Variants in CD163L1 observed in about 807,000 individuals in gnomAD.
The protein encoded by CD163L1 is scavenger receptor cysteine-rich type 1 protein M160.
Under a neutral mutation model 165.4 loss-of-function variants are expected in CD163L1, and 124 were observed. The ratio of observed to expected loss-of-function variants is 0.75; its 90% CI spans 0.65 to 0.87. CD163L1 has a LOEUF of 0.87. Among genes scored for constraint, CD163L1 ranks in the 40% least tolerant of loss-of-function variants. The pLI is 0.00. For missense variants in CD163L1, 1,525 were observed against 1,799.9 expected (o/e 0.85, Z 2.76); for synonymous variants, 585 against 662.2 (o/e 0.88, Z 1.79).
intron 19 of CD163L1, among the ~76,000 whole-genome samples, chr12:7,355,784 C>T (rs1160335618): frequency 1.3e-5 from 2 of 152,018 alleles, no homozygotes; most frequent in Non-Finnish European, 2.9e-5. Flanking sequence ...CAACACAGAC[C>T]AAGGGATGAC....
At chr12:7,430,524 A>G (rs1276022775) in intron 4 of CD163L1, among the ~76,000 whole-genome samples, 1 of 152,196 alleles carries the variant, frequency 6.6e-6, no homozygotes, top group Non-Finnish European at 1.5e-5. Flanking sequence ...ACATGTATAG[A>G]TCACCTAAAA....
the CD163L1 span, chr12:7,324,298 C>T: frequency 1.0e-4 from 169 of 1,613,200 alleles, no homozygotes; most frequent in Middle Eastern, 6.8e-4. Flanking sequence ...ACTGCTGCCA[C>T]GATAAGAGGA....
intron 19 of CD163L1, 114 bp from the exon 20 acceptor site, chr12:7,355,244 A>T (rs1209929570): frequency 5.3e-5 from 8 of 152,084 alleles, no homozygotes; most frequent in Non-Finnish European, 8.8e-5. Flanking sequence ...CACACACACA[A>T]CCCACAAAGA....
At position 7,347,418 on chromosome 12, in the gene CD163L1, T is replaced by A. The variant is rs1946677155; in HGVS notation, c.*25-271A>T. 6.6e-6 allele frequency among the ~76,000 whole-genome samples: 1 copy of A among 152,176 alleles called. No homozygotes were observed. The highest frequency in any genetic ancestry group is 1.5e-5 in the Non-Finnish European group (1 of 68,014). On this transcript the variant is annotated intron_variant, in intron 4 of 4. Transcript: ENST00000539726. The surrounding 1 kb of genome is among the most constrained non-coding windows in gnomAD (Gnocchi z 4.2). The stretch of plus-strand genomic sequence containing the variant: ...AAGTTAGCCTAATAGTTTTCTTCAT[T>A]GACAATGGGTGGTTACTTTCCTTAT...
At chr12:7,421,453 G>A (rs1214274812) in intron 4 of CD163L1, among the ~76,000 whole-genome samples, 2 of 106,270 alleles carry the variant, frequency 1.9e-5, no homozygotes, top group East Asian at 2.8e-4. Context: ...ATACATATAT[G>A]TACATATATA....
chr12:7,421,487 A>G (rs1481113663), intron 4 of CD163L1, among the ~76,000 whole-genome samples: 1 of 107,052 alleles, frequency 9.3e-6, no homozygotes, highest in African/African-American at 5.1e-5. Context: ...ATATGTACAT[A>G]TATACATATA....
intron 18 of CD163L1, among the ~76,000 whole-genome samples, chr12:7,360,013 T>C (rs980768637): frequency 2.0e-5 from 3 of 152,198 alleles, no homozygotes; most frequent in African/African-American, 7.2e-5. Flanking sequence ...TGGTGTTTGC[T>C]AAGCTTCTTA....
chr12:7,386,275 T>C (rs776458851), intron 8 of CD163L1, among the ~76,000 whole-genome samples: 145 of 151,988 alleles, frequency 9.5e-4, no homozygotes, highest in African/African-American at 3.3e-3. Flanking sequence ...AAGGAAGAAA[T>C]AGGAATCCTG....
chr12:7,354,048 G>C (rs368159277), downstream of CD163L1, among the ~76,000 whole-genome samples: 30 of 152,076 alleles, frequency 2.0e-4, no homozygotes, highest in East Asian at 3.9e-3. Context: ...AGCTTTTCTT[G>C]GCATGGGACT....
chr12:7,421,474 CAT>C (rs1241384234), intron 4 of CD163L1, among the ~76,000 whole-genome samples: 1 of 97,862 alleles, frequency 1.0e-5, no homozygotes, highest in Non-Finnish European at 1.9e-5. Context: ...CATATATATA[CAT>C]ATATGTACAT....
At chr12:7,343,315 CATAATT>C (rs1946649299), downstream of CD163L1, among the ~76,000 whole-genome samples, 1 of 152,150 alleles carries the variant, frequency 6.6e-6, no homozygotes, top group Non-Finnish European at 1.5e-5. Context: ...TTCACTGTCT[CATAATT>C]ATAACAATTT....
chr12:7,419,500 T>C (rs1948307955), intron 4 of CD163L1, among the ~76,000 whole-genome samples: 1 of 150,964 alleles, frequency 6.6e-6, no homozygotes, highest in East Asian at 2.0e-4. Context: ...ACTGAAAGCC[T>C]TAGCCAGAGA....
chr12:7,421,534 T>G (rs1483246943), intron 4 of CD163L1, among the ~76,000 whole-genome samples: 1 of 132,318 alleles, frequency 7.6e-6, no homozygotes, highest in Non-Finnish European at 1.5e-5. Flanking sequence ...CATATATACA[T>G]ATACGTACAC....
chr12:7,327,651 T>C, the CD163L1 span, among the ~76,000 whole-genome samples: 1 of 152,210 alleles, frequency 6.6e-6, no homozygotes, highest in East Asian at 1.9e-4. Context: ...ACTGATCCTC[T>C]GCATGAGATT....
chr12:7,365,707 G>C (rs1293115612), intron 18 of CD163L1, among the ~76,000 whole-genome samples: 1 of 152,004 alleles, frequency 6.6e-6, no homozygotes, highest in Admixed American at 6.6e-5. Flanking sequence ...AAAAGAAAAT[G>C]AGATATCATC....
In CD163L1 at chr12:7,400,855, T is replaced by C. The variant is rs1947903502; in HGVS notation, c.1409-2271A>G. On this transcript the variant is annotated intron_variant, in intron 6 of 19. Transcript: ENST00000313599. The surrounding 1 kb of genome is among the most constrained non-coding windows in gnomAD (Gnocchi z 4.1). ...TACAGTAGTTAAAATGTGATGGTTCTAGAAATAGAAGAGGGGGATTATGTA... is the reference window on the plus strand; with the variant it reads ...TACAGTAGTTAAAATGTGATGGTTCCAGAAATAGAAGAGGGGGATTATGTA... 6.6e-6 allele frequency among the ~76,000 whole-genome samples: 1 copy of C among 152,180 alleles called. No homozygotes were observed. Among genetic ancestry groups the C allele is most frequent in the South Asian group, 2.1e-4 (1 of 4,826 alleles).
chr12:7,394,424 C>T (rs1175472064), intron 8 of CD163L1, among the ~76,000 whole-genome samples: 3 of 152,164 alleles, frequency 2.0e-5, no homozygotes, highest in African/African-American at 7.2e-5. Context: ...CTTCCTTACA[C>T]CTTACACAAA....
intron 2 of CD163L1, among the ~76,000 whole-genome samples, chr12:7,440,297 C>G (rs891958098): frequency 9.9e-5 from 15 of 151,698 alleles, no homozygotes; most frequent in African/African-American, 3.1e-4. Context: ...GCGGACTGCG[C>G]AGTGCCGCGC....
At chr12:7,334,442 C>T in the CD163L1 span, among the ~76,000 whole-genome samples, 1 of 152,108 alleles carries the variant, frequency 6.6e-6, no homozygotes, top group Admixed American at 6.5e-5. Context: ...ATTCAACAAC[C>T]CTTCATGCTA....
Sources: gnomAD v4.1 joint callset for allele counts (sites outside exome capture counted in the v4.1 genomes callset) on GRCh38, gnomAD v4.1.1 for gene constraint, Gnocchi (gnomAD v3.1) non-coding constraint, MANE v1.5 for transcripts, NCBI Gene and HGNC (gene_info 2026-07-23, HGNC 2026-07-21) for gene names.